PPP6R1: variants seen among roughly 807,000 people sequenced by gnomAD.
PPP6R1 encodes the protein serine/threonine-protein phosphatase 6 regulatory subunit 1.
A neutral mutation model predicts 104.6 loss-of-function variants in PPP6R1; 39 were observed. That is an observed-to-expected ratio of 0.37 (90% CI 0.29 to 0.49). The LOEUF is 0.49. Among genes scored for constraint, PPP6R1 ranks in the 20% least tolerant of loss-of-function variants. The pLI, the probability that PPP6R1 is intolerant of heterozygous loss-of-function variation, is 0.98. For synonymous variants in PPP6R1, 549 were observed against 479.0 expected (o/e 1.15, Z -1.91); for missense variants, 1,181 against 1,155.8 (o/e 1.02, Z -0.32).
chr19:55,240,075 C>T lies in PPP6R1; in HGVS notation c.1401G>A (p.Leu467=), dbSNP rs1299010213. The T allele has an allele frequency of 1.2e-6, 2 of 1,601,228 alleles. No homozygotes were observed. The highest frequency in any genetic ancestry group is 2.3e-5 in the East Asian group (1 of 44,218). The part of the protein sequence containing the change: ...GGPRKGYMGH[L]TRVAGALVQN... ...GCACCAGGGCACCGGCCACTCTTGT[C>T]AGGTGACCCATGTAGCCTTTCCGAG... Residue 467 remains leucine, a synonymous_variant, in exon 12 of 24, where the codon CTG becomes CTA. Coordinates refer to ENST00000412770, the MANE Select transcript of PPP6R1 (RefSeq NM_014931.4).
rs1453228158 is a variant in PPP6R1, at chr19:55,247,078, G to A, written c.26C>T (p.Thr9Ile). ...CAGCAGCGTGTCCAGGTGCGAGCTT[G>A]TGTGCAGGTCAAACTTCCAAAACAT... MFWKFDLHTSSHLDTLLER... is the reference protein window; with the variant it reads MFWKFDLHISSHLDTLLER... The change falls in exon 2 of 24, where the codon ACA (threonine) becomes ATA (isoleucine). Residue 9 changes from threonine (T) to isoleucine (I), a missense_variant. Coordinates refer to ENST00000412770, the MANE Select transcript of PPP6R1 (RefSeq NM_014931.4). The A allele has an allele frequency of 6.2e-7, 1 of 1,613,542 alleles. No homozygotes were observed. The highest frequency in any genetic ancestry group is 1.7e-5 in the Admixed American group (1 of 60,022).
In PPP6R1 at chr19:55,231,733, G is replaced by A. The variant is rs146093884; in HGVS notation, c.2307-65C>T. On this transcript the variant is annotated intron_variant, in intron 19 of 23. Coordinates refer to ENST00000412770, the MANE Select transcript of PPP6R1 (RefSeq NM_014931.4). Reference sequence around the variant, plus strand: ...TTAGCACTCGAGCCTATGAGAGGACGGGGACCCCATGGCCACCTCCTGGCC... The same window carrying A: ...TTAGCACTCGAGCCTATGAGAGGACAGGGACCCCATGGCCACCTCCTGGCC... The A allele has an allele frequency of 3.8e-3, 5,671 of 1,507,638 alleles. 27 individuals carry two copies. Among genetic ancestry groups the A allele is most frequent in the Middle Eastern group, 0.017 (95 of 5,640 alleles). The allele number at this position is 1,507,638 out of a possible 1,614,324, so 93.4% of individuals were successfully genotyped here.
chr19:55,245,716 G>C lies in PPP6R1; in HGVS notation c.228-38C>G, dbSNP rs1167613072. On this transcript the variant is annotated intron_variant, in intron 2 of 23. Transcript: ENST00000412770. The surrounding 1 kb of genome is among the most constrained non-coding windows in gnomAD (Gnocchi z 6.4). ...CACAGGCGGGTGGGGGCTCGGGTCGGAGGCCGGGGGCAGGGGGCGGCAAGG... is the reference window on the plus strand; with the variant it reads ...CACAGGCGGGTGGGGGCTCGGGTCGCAGGCCGGGGGCAGGGGGCGGCAAGG... 2 of 1,527,824 alleles carry C rather than the reference G, an allele frequency of 1.3e-6. No individual in the cohort carries two copies. Among genetic ancestry groups the C allele is most frequent in the African/African-American group, 2.7e-5 (2 of 73,516 alleles). 94.6% of individuals were successfully genotyped at this position (1,527,824 alleles called of 1,614,324 possible).
intron 1 of PPP6R1, among the ~76,000 whole-genome samples, chr19:55,251,927 G>A (rs1052519661): frequency 2.6e-5 from 4 of 152,078 alleles, no homozygotes; most frequent in South Asian, 4.2e-4. Flanking sequence ...GCACCGAGAC[G>A]TGGCAAGCAC....
At position 55,245,617 on chromosome 19, in the gene PPP6R1, C is replaced by T; in HGVS notation, c.289G>A (p.Gly97Ser). 1 of 1,611,864 alleles carries T rather than the reference C, an allele frequency of 6.2e-7. No individual in the cohort carries two copies. Among genetic ancestry groups the T allele is most frequent in the Non-Finnish European group, 8.5e-7 (1 of 1,179,784 alleles). Residue 97 changes from glycine (G) to serine (S), a missense_variant, in exon 3 of 24, where the codon GGT becomes AGT. This residue lies in a region of PPP6R1 where 139 missense variants were observed against 200.1 expected (regional missense o/e 0.69). Coordinates refer to ENST00000412770, the MANE Select transcript of PPP6R1 (RefSeq NM_014931.4). This position sits in a 1 kb window ranked among gnomAD's most constrained non-coding sequence, Gnocchi z 6.4. ...CGGTTCAGAAGGGACTCATCAGCAC[C>T]CAGGGCATCATTGATCTGGGGCACA... is the stretch of plus-strand genomic sequence containing the variant. ...SDVPQINDALGADESLLNRLY... is the reference protein window; with the variant it reads ...SDVPQINDALSADESLLNRLY...
intron 1 of PPP6R1, among the ~76,000 whole-genome samples, chr19:55,247,724 T>C (rs1007395441): frequency 7.2e-5 from 11 of 152,210 alleles, no homozygotes; most frequent in Non-Finnish European, 2.9e-5. Flanking sequence ...AGAGGAAGTC[T>C]GTGCATCTCC....
chr19:55,233,559 C>G (rs543415416), intron 17 of PPP6R1, among the ~76,000 whole-genome samples: 2 of 152,184 alleles, frequency 1.3e-5, no homozygotes, highest in Admixed American at 6.5e-5. Flanking sequence ...AAGGAGTCCA[C>G]TAAAACTATC....
chr19:55,251,602 C>T (rs1287830433), intron 1 of PPP6R1, among the ~76,000 whole-genome samples: 1 of 152,174 alleles, frequency 6.6e-6, no homozygotes, highest in Non-Finnish European at 1.5e-5. Flanking sequence ...CCCTTCCTTG[C>T]TCCGGGAACC....
At position 55,257,579 on chromosome 19, in the gene PPP6R1, CG is replaced by C. The variant is rs200810404; in HGVS notation, c.-7+855del. Among the ~76,000 whole-genome samples, 1,490 of 152,262 alleles carry C rather than the reference CG, an allele frequency of 9.8e-3. 18 individuals are homozygous for C. The highest frequency in any genetic ancestry group is 0.028 in the African/African-American group (1,168 of 41,554). On this transcript the variant is annotated intron_variant, in intron 1 of 23. Transcript: ENST00000412770. ...CTGCACGTGCTGCTCCTTCCCCCCC[CG>C]GAAGGCCCTTCTTCCCACTCTCCAT...
At chr19:55,232,877 C>T (rs1036763175) in intron 17 of PPP6R1, 3 of 152,302 alleles carry the variant, frequency 2.0e-5, no homozygotes, top group African/African-American at 2.4e-5. Flanking sequence ...CTCTGAAAAA[C>T]GCCATCATTA....
chr19:55,241,486 C>T lies in PPP6R1; in HGVS notation c.999G>A (p.Glu333=). The T allele has an allele frequency of 1.9e-6, 3 of 1,601,908 alleles. No homozygotes were observed. The highest frequency in any genetic ancestry group is 2.6e-6 in the Non-Finnish European group (3 of 1,174,560). ...AACCCACACCCCTGACCTTGGGAGGCTCCAGCAGGAGCTGGTGGAAGCAGC... is the reference window on the plus strand; with the variant it reads ...AACCCACACCCCTGACCTTGGGAGGTTCCAGCAGGAGCTGGTGGAAGCAGC... ...RLSCFHQLLL[E]PPKLEPLQMT... Residue 333 remains glutamate, a synonymous_variant, in exon 8 of 24, where the codon GAG becomes GAA. Coordinates refer to ENST00000412770, the MANE Select transcript of PPP6R1 (RefSeq NM_014931.4). This position sits in a 1 kb window ranked among gnomAD's most constrained non-coding sequence, Gnocchi z 5.4.
chr19:55,255,714 C>G (rs1028550144), intron 1 of PPP6R1: 2 of 152,592 alleles, frequency 1.3e-5, no homozygotes, highest in Non-Finnish European at 2.9e-5. Context: ...TCACACCTGA[C>G]TGCCCTCAGC....
chr19:55,254,929 C>G (rs144938544), intron 1 of PPP6R1, among the ~76,000 whole-genome samples: 1 of 152,234 alleles, frequency 6.6e-6, no homozygotes, highest in Non-Finnish European at 1.5e-5. Context: ...GCAGGACCTA[C>G]GGTGTGTGCC....
downstream of PPP6R1, chr19:55,229,353 T>C (rs2087315727): frequency 6.4e-6 from 1 of 155,134 alleles, no homozygotes; most frequent in Non-Finnish European, 1.4e-5. Context: ...GCCACCCCAG[T>C]GAGGACGCTG....
chr19:55,255,131 C>T (rs551443840), intron 1 of PPP6R1, among the ~76,000 whole-genome samples: 1 of 152,174 alleles, frequency 6.6e-6, no homozygotes, highest in African/African-American at 2.4e-5. Flanking sequence ...AGTGCCTCCC[C>T]CTCTGGCCCC....
Position 55,241,307 on chromosome 19 carries a change from C to A in PPP6R1, c.1093G>T (p.Ala365Ser). 2 of 1,611,678 alleles carry A rather than the reference C, an allele frequency of 1.2e-6. No individual in the cohort carries two copies. Among genetic ancestry groups the A allele is most frequent in the Non-Finnish European group, 1.7e-6 (2 of 1,179,732 alleles). ...RLHVVKLLAS[A>S]LSANDAALTH... ...AGGGCTGCATCATTGGCGCTCAGGG[C>A]ACTGGCCAGGAGCTTGACCACGTGC... Residue 365 changes from alanine (A) to serine (S), a missense_variant, in exon 9 of 24, where the codon GCC becomes TCC. This residue lies in a region of PPP6R1 where 1,042 missense variants were observed against 955.6 expected (regional missense o/e 1.09). Transcript: ENST00000412770. This position sits in a 1 kb window ranked among gnomAD's most constrained non-coding sequence, Gnocchi z 5.4.
At chr19:55,233,072 T>C (rs922467115) in intron 17 of PPP6R1, 2 of 152,122 alleles carry the variant, frequency 1.3e-5, no homozygotes, top group Non-Finnish European at 2.9e-5. Flanking sequence ...TATCTAAACA[T>C]AGGAAAAATA....
chr19:55,230,652 T>C lies in PPP6R1; in HGVS notation c.2603A>G (p.Asn868Ser), dbSNP rs1448135050. The stretch of plus-strand genomic sequence containing the variant: ...TGCAGGCCCTTCCGGGGCAGAGCCA[T>C]TGGGTATCGGAGGAGGCGTGAGGGC... ...AQALTPPPIP[N>S]GSAPEGPASP... The change falls in exon 23 of 24, where the codon AAT (asparagine) becomes AGT (serine). Residue 868 changes from asparagine to serine, a missense_variant. Around this residue, in one of 2 missense-constraint regions of PPP6R1, gnomAD observed 1,042 missense variants for 955.6 expected, o/e 1.09. Transcript: ENST00000412770. The C allele has an allele frequency of 4.4e-6, 7 of 1,608,946 alleles. No individual in the cohort carries two copies. The highest frequency in any genetic ancestry group is 2.7e-5 in the African/African-American group (2 of 74,922).
intron 1 of PPP6R1, among the ~76,000 whole-genome samples, chr19:55,247,630 G>C (rs1022899689): frequency 2.0e-5 from 3 of 152,204 alleles, no homozygotes. Flanking sequence ...TCAGATGCCC[G>C]ATGACTTCCA....
Sources: allele counts gnomAD v4.1 joint callset (sites outside exome capture counted in the v4.1 genomes callset), GRCh38; gene constraint gnomAD v4.1.1; regional missense constraint gnomAD v4.1.1; non-coding constraint Gnocchi (gnomAD v3.1); transcripts MANE v1.5; gene names NCBI Gene and HGNC (gene_info 2026-07-23, HGNC 2026-07-21).